Variants in ISCU observed in about 807,000 individuals in gnomAD.
The protein encoded by ISCU is iron-sulfur cluster assembly enzyme, also known as iron-sulfur cluster assembly enzyme ISCU.
Under a neutral mutation model 18.4 loss-of-function variants are expected in ISCU, and 13 were observed. The ratio of observed to expected loss-of-function variants is 0.71; its 90% CI spans 0.46 to 1.12. ISCU has a LOEUF of 1.12. Among genes scored for constraint, ISCU ranks in the 50% most tolerant of loss-of-function variants. The pLI, the probability that ISCU is intolerant of heterozygous loss-of-function variation, is 0.00. For missense variants in ISCU, 229 were observed against 208.7 expected, an observed-to-expected ratio of 1.10 and a Z score of -0.60; for synonymous variants, 104 against 87.5, an observed-to-expected ratio of 1.19 and a Z score of -1.06.
At position 108,569,046 on chromosome 12, in the gene ISCU, C is replaced by A. The variant is rs971187786; in HGVS notation, c.*130C>A. 9.2e-6 allele frequency: 7 copies of A among 758,168 alleles called. No individual in the cohort carries two copies. The highest frequency in any genetic ancestry group is 1.6e-5 in the Non-Finnish European group (7 of 440,492). The allele number at this position is 758,168 out of a possible 1,614,324, so 47.0% of individuals were successfully genotyped here. On this transcript the variant is annotated 3_prime_UTR_variant, in exon 5 of 5. Transcript: ENST00000311893. ...TGAGATACGCACAATACTTGCTGTT[C>A]ACGTTATGACTCTCATGCAAGCAAA...
rs1417030687 is a variant in ISCU at position 108,568,730 on chromosome 12, C to T, written c.419-101C>T. The T allele has an allele frequency of 5.8e-6, 9 of 1,545,248 alleles. No homozygotes were observed. The African/African-American group carries it at 9.6e-5, about 16-fold the overall frequency. ...TTTCTGGCTTGGTTACTCCATTAGTCCCCACCAGCACCACTTCCTCCCAGC... is the reference window on the plus strand; with the variant it reads ...TTTCTGGCTTGGTTACTCCATTAGTTCCCACCAGCACCACTTCCTCCCAGC... On this transcript the variant is annotated intron_variant, in intron 4 of 4. Transcript: ENST00000311893.
At chr12:108,568,188 T>C in intron 4 of ISCU, 1 of 1,280,028 alleles carries the variant, frequency 7.8e-7, no homozygotes, top group Non-Finnish European at 9.9e-7. Flanking sequence ...CCCAGCCCTT[T>C]TATTAGGCCT....
At chr12:108,567,904 T>G in intron 4 of ISCU, 2 of 1,411,800 alleles carry the variant, frequency 1.4e-6, no homozygotes, top group Non-Finnish European at 1.9e-6. Context: ...TTTCCATCAT[T>G]TCTTAACCTT....
Position 108,562,634 on chromosome 12 carries a change from T to A in ISCU, c.12T>A (p.Ala4=), listed in dbSNP as rs560535530. ...CGCAAGCCGGCAAGATGGCGGCGGC[T>A]GGGGCTTTCCGTCTGAGGCGGGCGG... MAA[A]GAFRLRRAAS... Residue 4 remains alanine (A), a synonymous_variant, in exon 1 of 5, where the codon GCT becomes GCA. Coordinates refer to ENST00000311893, the MANE Select transcript of ISCU (RefSeq NM_213595.4). 6.8e-7 allele frequency: 1 copy of A among 1,476,692 alleles called. No homozygotes were observed. Among genetic ancestry groups the A allele is most frequent in the Non-Finnish European group, 8.9e-7 (1 of 1,121,138 alleles). 91.5% of individuals were successfully genotyped at this position (1,476,692 alleles called of 1,614,324 possible).
At chr12:108,563,127 T>C in intron 1 of ISCU, 1 of 163,134 alleles carries the variant, frequency 6.1e-6, no homozygotes, top group Non-Finnish European at 1.3e-5. Context: ...TCTCTGAACC[T>C]GTTTCCCCAG....
intron 4 of ISCU, chr12:108,567,589 T>C: frequency 7.7e-7 from 1 of 1,301,228 alleles, no homozygotes; most frequent in Non-Finnish European, 1.1e-6. Context: ...AAGGCTTGGG[T>C]TGAGACGCCC....
intron 2 of ISCU, 176 bp from the exon 3 acceptor site, chr12:108,565,145 A>G (rs960577384): frequency 3.2e-6 from 2 of 621,884 alleles, no homozygotes; most frequent in Non-Finnish European, 5.8e-6. Flanking sequence ...TTGTCCCTGC[A>G]TTTCACTTTT....
At chr12:108,565,626 G>C (rs188600064) in intron 3 of ISCU, among the ~76,000 whole-genome samples, 195 bp downstream of exon 3, 1 of 151,908 alleles carries the variant, frequency 6.6e-6, no homozygotes, top group East Asian at 1.9e-4. Flanking sequence ...TTGTTTGTTT[G>C]GGTGTTAATT....
At chr12:108,565,526 G>T in intron 3 of ISCU, 95 bp downstream of exon 3, 1 of 780,132 alleles carries the variant, frequency 1.3e-6, no homozygotes, top group Non-Finnish European at 2.2e-6. Context: ...TGCAGATGTT[G>T]ATTATATTAT....
intron 1 of ISCU, 197 bp from the exon 2 acceptor site, chr12:108,564,082 T>C: frequency 1.9e-6 from 3 of 1,610,628 alleles, no homozygotes; most frequent in East Asian, 2.2e-5. Context: ...TGTGAAGTAT[T>C]GTAGAGGAGA....
At chr12:108,567,745 T>A (rs2030968077) in intron 4 of ISCU, 5 of 1,535,862 alleles carry the variant, frequency 3.3e-6, no homozygotes, top group Non-Finnish European at 4.4e-6. Flanking sequence ...GTCTGGATGG[T>A]ATTCCTGTCG....
At chr12:108,563,659 C>T (rs2030741378) in intron 1 of ISCU, 2 of 260,896 alleles carry the variant, frequency 7.7e-6, no homozygotes, top group Non-Finnish European at 1.5e-5. Context: ...TCACTCCTCC[C>T]CCTCCCGGGG....
At chr12:108,563,003 G>A in intron 1 of ISCU, 1 of 308,636 alleles carries the variant, frequency 3.2e-6, no homozygotes, top group Non-Finnish European at 5.9e-6. Context: ...CAGGAGGCAG[G>A]GTCCTGTTGG....
chr12:108,567,041 G>A (rs900928731), intron 3 of ISCU, 149 bp from the exon 4 acceptor site: 13 of 696,364 alleles, frequency 1.9e-5, no homozygotes, highest in Non-Finnish European at 3.1e-5. Context: ...TAAAGTGGGA[G>A]TCCTGAGAAG....
chr12:108,568,692 T>C, intron 4 of ISCU, 139 bp from the exon 5 acceptor site: 1 of 1,506,266 alleles, frequency 6.6e-7, no homozygotes, highest in South Asian at 1.3e-5. Context: ...GCCCAGCAAC[T>C]CCTCACCCCA....
chr12:108,562,506 G>A (rs1277013133), upstream of ISCU: 1 of 547,462 alleles, frequency 1.8e-6, no homozygotes, highest in Admixed American at 4.4e-5. Context: ...GAGCGGTAAA[G>A]CGCAGGCGCA....
intron 1 of ISCU, 147 bp downstream of exon 1, chr12:108,562,883 G>A: frequency 4.6e-6 from 2 of 439,160 alleles, no homozygotes; most frequent in Non-Finnish European, 3.9e-6. Flanking sequence ...GCGCAGTGAG[G>A]CTCACTGCAA....
upstream of ISCU, among the ~76,000 whole-genome samples, chr12:108,562,066 C>G (rs2030594476): frequency 6.6e-6 from 1 of 152,098 alleles, no homozygotes; most frequent in Admixed American, 6.5e-5. Context: ...CATGATGAAG[C>G]AATTGTCCTC....
chr12:108,561,538 A>C, upstream of ISCU: 1 of 179,216 alleles, frequency 5.6e-6, no homozygotes, highest in Non-Finnish European at 1.2e-5. Context: ...GCCTAGTGTG[A>C]CCTGGCGCTT....
Sources: allele counts gnomAD v4.1 joint callset (sites outside exome capture counted in the v4.1 genomes callset), GRCh38; gene constraint gnomAD v4.1.1; transcripts MANE v1.5; gene names NCBI Gene and HGNC (gene_info 2026-07-23, HGNC 2026-07-21).